The following SYN3 variants were observed in gnomAD, a reference collection of about 807,000 sequenced individuals.
SYN3 encodes the protein synapsin-3.
A neutral mutation model predicts 65.8 loss-of-function variants in SYN3; 35 were observed. The observed-to-expected ratio is 0.53, with a 90% confidence interval of 0.41 to 0.70. The LOEUF (loss-of-function observed/expected upper bound fraction) is 0.70. Ranked by LOEUF, SYN3 falls within the 30% of genes least tolerant of loss-of-function variation. SYN3 has a pLI of 0.00. For missense variants in SYN3, 680 were observed against 749.0 expected (o/e 0.91, Z 1.08); for synonymous variants, 270 against 292.9 (o/e 0.92, Z 0.80).
At chr22:32,880,089 T>C (rs1243203562) in intron 4 of SYN3, among the ~76,000 whole-genome samples, 2 of 151,440 alleles carry the variant, frequency 1.3e-5, no homozygotes, top group South Asian at 2.1e-4. Context: ...CCTCCCACTG[T>C]AGCTGTGCAT....
intron 6 of SYN3, among the ~76,000 whole-genome samples, chr22:32,790,608 G>A (rs1252477071): frequency 2.6e-5 from 4 of 152,002 alleles, no homozygotes; most frequent in Non-Finnish European, 5.9e-5. Flanking sequence ...TGTATTTTTA[G>A]TAGAGACGGG....
At chr22:32,926,566 C>T (rs918146785) in intron 4 of SYN3, among the ~76,000 whole-genome samples, 1 of 152,202 alleles carries the variant, frequency 6.6e-6, no homozygotes, top group Admixed American at 6.5e-5. Context: ...AATGCAGCTG[C>T]ATCAGTGAGC....
chr22:32,820,535 T>G (rs1000603402), intron 6 of SYN3, among the ~76,000 whole-genome samples: 1 of 152,124 alleles, frequency 6.6e-6, no homozygotes, highest in African/African-American at 2.4e-5. Flanking sequence ...CCCCATTTAC[T>G]TTGAGGATGG....
At chr22:32,876,396 C>T (rs2146388387) in intron 4 of SYN3, among the ~76,000 whole-genome samples, 1 of 152,246 alleles carries the variant, frequency 6.6e-6, no homozygotes, top group East Asian at 1.9e-4. Flanking sequence ...CAATAAAAAA[C>T]CTTCACTTTA....
intron 6 of SYN3, among the ~76,000 whole-genome samples, chr22:32,662,484 T>C (rs1477757055): frequency 1.3e-5 from 2 of 152,204 alleles, no homozygotes; most frequent in Non-Finnish European, 2.9e-5. Context: ...GGGACCAATA[T>C]AGTCAGTGTT....
chr22:32,844,718 T>C (rs2048012600), intron 6 of SYN3, among the ~76,000 whole-genome samples: 1 of 151,944 alleles, frequency 6.6e-6, no homozygotes, highest in South Asian at 2.1e-4. Flanking sequence ...CTTCCTTTTT[T>C]TTTTTTGCTG....
chr22:32,596,197 C>T (rs2059196718), intron 7 of SYN3, among the ~76,000 whole-genome samples: 1 of 152,166 alleles, frequency 6.6e-6, no homozygotes, highest in Non-Finnish European at 1.5e-5. Flanking sequence ...TGAGGCCTCC[C>T]CAGCCATGCT....
chr22:33,055,164 T>C (rs1441060623), intron 1 of SYN3, among the ~76,000 whole-genome samples: 2 of 152,176 alleles, frequency 1.3e-5, no homozygotes, highest in African/African-American at 4.8e-5. Flanking sequence ...TTCAAGGAGT[T>C]CTCCTCCCAG....
intron 6 of SYN3, chr22:32,802,137 T>G (rs1346458837): frequency 1.3e-6 from 2 of 1,575,080 alleles, no homozygotes; most frequent in Non-Finnish European, 1.7e-6. Flanking sequence ...GCGCTCCTGG[T>G]GCCCCGCCCG....
intron 6 of SYN3, among the ~76,000 whole-genome samples, chr22:32,838,590 G>A (rs1302879960): frequency 1.3e-5 from 2 of 152,224 alleles, no homozygotes; most frequent in East Asian, 1.9e-4. Context: ...CTGTAATAGG[G>A]TCCTGTGACT....
chr22:32,703,330 A>G (rs1335492811), intron 6 of SYN3, among the ~76,000 whole-genome samples: 4 of 152,170 alleles, frequency 2.6e-5, no homozygotes, highest in African/African-American at 9.7e-5. Flanking sequence ...TTTCTGACCC[A>G]ATGGAGTTAA....
intron 6 of SYN3, among the ~76,000 whole-genome samples, chr22:32,815,199 G>A (rs1164002155): frequency 6.6e-6 from 1 of 152,220 alleles, no homozygotes; most frequent in African/African-American, 2.4e-5. Flanking sequence ...ATATGGGGCT[G>A]TTCGAGGTAC....
intron 7 of SYN3, among the ~76,000 whole-genome samples, chr22:32,576,442 T>C (rs1399047334): frequency 6.6e-6 from 1 of 152,204 alleles, no homozygotes; most frequent in African/African-American, 2.4e-5. Flanking sequence ...AAAACGCACA[T>C]GAACTACGAA....
intron 6 of SYN3, among the ~76,000 whole-genome samples, chr22:32,761,555 CAGCCCAGTTTTGAGCACCTCTTG>C (rs1569204094): frequency 6.6e-6 from 1 of 152,180 alleles, no homozygotes; most frequent in African/African-American, 2.4e-5. Flanking sequence ...TGAGGGCTGG[CAGCCCAGTTTTGAGCACCTCTTG>C]AAGGCAGTGG....
chr22:32,905,848 G>A (rs563935476), intron 4 of SYN3, among the ~76,000 whole-genome samples: 7 of 152,298 alleles, frequency 4.6e-5, no homozygotes, highest in Non-Finnish European at 1.0e-4. Context: ...CTAAGGGTTC[G>A]TGCCCTTTCA....
chr22:32,895,852 C>T (rs1052179749), intron 4 of SYN3, among the ~76,000 whole-genome samples: 4 of 152,082 alleles, frequency 2.6e-5, no homozygotes, highest in African/African-American at 4.8e-5. Context: ...CTAGGCTGCT[C>T]GGCTTAGAAG....
At chr22:32,621,919 G>A (rs1424606082) in intron 6 of SYN3, among the ~76,000 whole-genome samples, 1 of 152,034 alleles carries the variant, frequency 6.6e-6, no homozygotes, top group Non-Finnish European at 1.5e-5. Context: ...ATGCCCAGGT[G>A]AGCCTTGCTG....
At chr22:32,614,915 GAA>G (rs753193476) in intron 6 of SYN3, among the ~76,000 whole-genome samples, 10 of 151,000 alleles carry the variant, frequency 6.6e-5, no homozygotes, top group Non-Finnish European at 1.5e-4. Flanking sequence ...TGGCCCCATG[GAA>G]ACAGCCCCTG....
At chr22:32,888,047 G>C (rs974732919) in intron 4 of SYN3, among the ~76,000 whole-genome samples, 9 of 151,984 alleles carry the variant, frequency 5.9e-5, no homozygotes, top group African/African-American at 1.7e-4. Context: ...CCTCATTATA[G>C]TTTTTATTTT....
Sources: gnomAD v4.1 joint callset for allele counts (sites outside exome capture counted in the v4.1 genomes callset) on GRCh38, gnomAD v4.1.1 for gene constraint, MANE v1.5 for transcripts, NCBI Gene and HGNC (gene_info 2026-07-23, HGNC 2026-07-21) for gene names.